The following GTF2A1 variants were observed in gnomAD, a reference collection of about 807,000 sequenced individuals.
GTF2A1 encodes the protein transcription initiation factor IIA subunit 1.
A neutral mutation model predicts 54.1 loss-of-function variants in GTF2A1; 12 were observed. The ratio of observed to expected loss-of-function variants is 0.22; its 90% CI spans 0.14 to 0.36. The LOEUF is 0.36. GTF2A1 is among the 10% of genes least tolerant of loss of function. The probability of loss-of-function intolerance (pLI) is 1.00; values close to 1 mark genes in which losing one functional copy is unlikely to be tolerated. For synonymous variants in GTF2A1, 145 were observed against 152.0 expected, an observed-to-expected ratio of 0.95 and a Z score of 0.34; for missense variants, 335 against 442.2, an observed-to-expected ratio of 0.76 and a Z score of 2.17.
At chr14:81,192,266 C>A (rs1566853780) in intron 7 of GTF2A1, among the ~76,000 whole-genome samples, 1 of 152,170 alleles carries the variant, frequency 6.6e-6, no homozygotes, top group African/African-American at 2.4e-5. Flanking sequence ...CTTTACTACA[C>A]ATATTAATAC....
chr14:81,188,868 G>A (rs187954804), intron 7 of GTF2A1, among the ~76,000 whole-genome samples: 149 of 152,158 alleles, frequency 9.8e-4, no homozygotes, highest in Non-Finnish European at 2.0e-3. Flanking sequence ...CTTAGATGTA[G>A]GTCCCTAATC....
chr14:81,209,781 C>T, intron 2 of GTF2A1: 1 of 451,158 alleles, frequency 2.2e-6, no homozygotes, highest in Non-Finnish European at 4.0e-6. Flanking sequence ...ATTCCCTATA[C>T]AAGACAAATG....
Position 81,177,981 on chromosome 14 carries a change from T to C in GTF2A1, c.*2242A>G, listed in dbSNP as rs1019038691. ...TTTGCCAAGTATACCATAATTCATATGCAATACGCAGGTGCAAATACAAAT... is the reference window on the plus strand; with the variant it reads ...TTTGCCAAGTATACCATAATTCATACGCAATACGCAGGTGCAAATACAAAT... On this transcript the variant is annotated 3_prime_UTR_variant, in exon 9 of 9. Transcript: ENST00000553612. 3.3e-5 allele frequency: 5 copies of C among 152,120 alleles called. No individual in the cohort carries two copies. The highest frequency in any genetic ancestry group is 1.3e-4 in the Admixed American group (2 of 15,272). The allele number at this position is 152,120 out of a possible 1,614,324, so 9.4% of individuals were successfully genotyped here.
chr14:81,190,567 A>T (rs1295178411), intron 7 of GTF2A1, among the ~76,000 whole-genome samples: 2 of 152,198 alleles, frequency 1.3e-5, no homozygotes, highest in African/African-American at 4.8e-5. Flanking sequence ...ATCATTGCAG[A>T]AAAGGTGTTT....
At chr14:81,208,984 G>A (rs2077709493) in intron 2 of GTF2A1, among the ~76,000 whole-genome samples, 2 of 152,194 alleles carry the variant, frequency 1.3e-5, no homozygotes, top group South Asian at 2.1e-4. Flanking sequence ...TGTCTCAGAT[G>A]AGACTCTGGA....
Position 81,192,721 on chromosome 14 carries a change from G to A in GTF2A1, c.731C>T (p.Thr244Ile). ...TGCAGTTATCTGTGCTTGGGCTGGT[G>A]TAGGTGCTGCCACTGTCGTAGGTAT... ...QVIPTTVAAP[T>I]PAQAQITATG... is the part of the protein sequence containing the mutation. Residue 244 changes from threonine to isoleucine, a missense_variant, in exon 7 of 9, where the codon ACA (threonine) becomes ATA (isoleucine). Thr to Ile is a moderately conservative substitution (Grantham distance 89). Around this residue, in one of 2 missense-constraint regions of GTF2A1, gnomAD observed 306 missense variants for 360.4 expected, o/e 0.85. Transcript: ENST00000553612. 6.8e-6 allele frequency: 11 copies of A among 1,614,042 alleles called. No individual in the cohort carries two copies. Among genetic ancestry groups the A allele is most frequent in the Non-Finnish European group, 9.3e-6 (11 of 1,179,874 alleles).
rs142893489 is a variant in GTF2A1, at chr14:81,192,728, C to G, written c.724G>C (p.Ala242Pro). The G allele has an allele frequency of 1.7e-5, 28 of 1,613,768 alleles. 1 individual carries two copies. Among genetic ancestry groups the G allele is most frequent in the Non-Finnish European group, 2.1e-5 (25 of 1,179,762 alleles). The change falls in exon 7 of 9, where the codon GCA becomes CCA. Residue 242 changes from alanine to proline, a missense_variant. Physicochemically the swap from Ala to Pro is conservative, Grantham distance 27. This residue lies in a region of GTF2A1 where 306 missense variants were observed against 360.4 expected (regional missense o/e 0.85). Coordinates refer to ENST00000553612, the MANE Select transcript of GTF2A1 (RefSeq NM_015859.4). ...ATCTGTGCTTGGGCTGGTGTAGGTG[C>G]TGCCACTGTCGTAGGTATAACTTGA... ...KTQVIPTTVA[A>P]PTPAQAQITA...
intron 2 of GTF2A1, among the ~76,000 whole-genome samples, chr14:81,213,600 G>A (rs1465606932): frequency 6.6e-6 from 1 of 152,010 alleles, no homozygotes; most frequent in African/African-American, 2.4e-5. Context: ...TTACACTAAG[G>A]AATCAAAAGA....
chr14:81,212,373 T>C (rs566463013), intron 2 of GTF2A1, among the ~76,000 whole-genome samples: 8 of 152,148 alleles, frequency 5.3e-5, no homozygotes, highest in African/African-American at 1.4e-4. Flanking sequence ...CATTCGAATA[T>C]AGATTTACTG....
At chr14:81,183,814 T>C (rs1892685157) in intron 8 of GTF2A1, among the ~76,000 whole-genome samples, 2 of 152,222 alleles carry the variant, frequency 1.3e-5, no homozygotes, top group South Asian at 4.1e-4. Flanking sequence ...CGTTCTATGA[T>C]CTCTTCTAAA....
rs1041664027 is a variant in GTF2A1, at chr14:81,177,860, A to T, written c.*2363T>A. 7.2e-5 allele frequency: 11 copies of T among 152,184 alleles called. No homozygotes were observed. Among genetic ancestry groups the T allele is most frequent in the African/African-American group, 2.7e-4 (11 of 41,466 alleles). The allele number at this position is 152,184 out of a possible 1,614,324, so 9.4% of individuals were successfully genotyped here. A position where few individuals can be genotyped will look rare whatever the true frequency, so the allele number is the denominator to read the frequency against. On this transcript the variant is annotated 3_prime_UTR_variant, in exon 9 of 9. Coordinates refer to ENST00000553612, the MANE Select transcript of GTF2A1 (RefSeq NM_015859.4). The stretch of plus-strand genomic sequence containing the variant: ...TAAAACTAAAACATGCTATTTGATT[A>T]AAAAGGACACGATGCAAATAATATA...
At chr14:81,198,775 T>C (rs186833261) in intron 4 of GTF2A1, among the ~76,000 whole-genome samples, 13 of 152,288 alleles carry the variant, frequency 8.5e-5, no homozygotes, top group Admixed American at 7.2e-4. Context: ...AAAAAATAAA[T>C]ATAACTGCTT....
At chr14:81,191,574 T>C (rs546565579) in intron 7 of GTF2A1, among the ~76,000 whole-genome samples, 1 of 152,312 alleles carries the variant, frequency 6.6e-6, no homozygotes, top group East Asian at 1.9e-4. Flanking sequence ...TTCATTTACG[T>C]TGTAAACATG....
At chr14:81,197,247 TTA>T (rs1893011583) in intron 5 of GTF2A1, 160 bp downstream of exon 5, 1 of 556,350 alleles carries the variant, frequency 1.8e-6, no homozygotes, top group South Asian at 2.5e-5. Context: ...ACGATTACAG[TTA>T]TATGTGTTAC....
intron 7 of GTF2A1, among the ~76,000 whole-genome samples, chr14:81,191,479 T>C (rs1474657633): frequency 6.6e-6 from 1 of 152,170 alleles, no homozygotes; most frequent in Non-Finnish European, 1.5e-5. Context: ...TGAAAATAAT[T>C]ATAGCTATAT....
intron 2 of GTF2A1, among the ~76,000 whole-genome samples, chr14:81,204,894 A>C (rs570759234): frequency 6.6e-6 from 1 of 152,316 alleles, no homozygotes; most frequent in East Asian, 1.9e-4. Flanking sequence ...TTTAGTGTTC[A>C]ATCTAGAGCC....
intron 5 of GTF2A1, 28 bp from the exon 6 acceptor site, chr14:81,196,269 T>C: frequency 1.2e-6 from 2 of 1,613,228 alleles, no homozygotes; most frequent in African/African-American, 1.3e-5. Context: ...CATTCCGAGT[T>C]ATCATTTTAG....
Position 81,176,574 on chromosome 14 carries a change from A to G in GTF2A1, c.*3649T>C, listed in dbSNP as rs1320561750. The stretch of plus-strand genomic sequence containing the variant: ...GTGTGTTCTTCATTAAACCATAGAC[A>G]ATGACAAAAGACAAGAGTAAGGCAG... On this transcript the variant is annotated 3_prime_UTR_variant, in exon 9 of 9. Coordinates refer to ENST00000553612, the MANE Select transcript of GTF2A1 (RefSeq NM_015859.4). 2 of 152,150 alleles carry G rather than the reference A, an allele frequency of 1.3e-5. No homozygotes were observed. Among genetic ancestry groups the G allele is most frequent in the African/African-American group, 2.4e-5 (1 of 41,460 alleles). 9.4% of individuals were successfully genotyped at this position (152,150 alleles called of 1,614,324 possible).
intron 6 of GTF2A1, among the ~76,000 whole-genome samples, chr14:81,195,430 G>C (rs1358063992): frequency 6.6e-6 from 1 of 151,498 alleles, no homozygotes; most frequent in Non-Finnish European, 1.5e-5. Flanking sequence ...TAAGGAGATA[G>C]AAACCATCCT....
Sources: allele counts gnomAD v4.1 joint callset (sites outside exome capture counted in the v4.1 genomes callset), GRCh38; gene constraint gnomAD v4.1.1; regional missense constraint gnomAD v4.1.1; transcripts MANE v1.5; gene names NCBI Gene and HGNC (gene_info 2026-07-23, HGNC 2026-07-21).